PANK4: variants seen among roughly 807,000 people sequenced by gnomAD.
PANK4 encodes pantothenate kinase 4 (inactive).
In PANK4, 40 loss-of-function variants were observed where a neutral mutation model predicts 87.9. The observed-to-expected ratio is 0.46, with a 90% confidence interval of 0.35 to 0.59. The LOEUF is 0.59. Among genes scored for constraint, PANK4 ranks in the 20% least tolerant of loss-of-function variants. The probability of loss-of-function intolerance (pLI) is 0.00; values close to 1 mark genes in which losing one functional copy is unlikely to be tolerated. For missense variants in PANK4, 926 were observed against 1,072.3 expected (o/e 0.86, Z 1.90); for synonymous variants, 524 against 467.4 (o/e 1.12, Z -1.56).
rs1284690230 is a variant in PANK4, at chr1:2,509,372, G to C, written c.2109-312C>G. On this transcript the variant is annotated intron_variant, in intron 18 of 18. Transcript: ENST00000378466. This position sits in a 1 kb window ranked among gnomAD's most constrained non-coding sequence, Gnocchi z 4.9. ...TGGGGCTGGGGCACAGATGAAGCCAGCACTGGAGAATCCCACCAGGCAGAG... is the reference window on the plus strand; with the variant it reads ...TGGGGCTGGGGCACAGATGAAGCCACCACTGGAGAATCCCACCAGGCAGAG... Among the ~76,000 whole-genome samples, 1 of 152,204 alleles carries C rather than the reference G, an allele frequency of 6.6e-6. No homozygotes were observed. Among genetic ancestry groups the C allele is most frequent in the African/African-American group, 2.4e-5 (1 of 41,452 alleles).
chr1:2,520,230 G>A lies in PANK4; in HGVS notation c.699+92C>T. 9.9e-6 allele frequency: 12 copies of A among 1,210,866 alleles called. No individual in the cohort carries two copies. Among genetic ancestry groups the A allele is most frequent in the Non-Finnish European group, 1.2e-5 (10 of 821,372 alleles). 75.0% of individuals were successfully genotyped at this position (1,210,866 alleles called of 1,614,324 possible). On this transcript the variant is annotated intron_variant, in intron 5 of 18. Coordinates refer to ENST00000378466, the MANE Select transcript of PANK4 (RefSeq NM_018216.4). This position sits in a 1 kb window ranked among gnomAD's most constrained non-coding sequence, Gnocchi z 6.2. ...CGCGAGTCAGGAGGGAGGCCCGGAA[G>A]CAGCTTTTGCACCGCCCAGCTGCAG... is the stretch of plus-strand genomic sequence containing the variant.
chr1:2,513,449 C>T (rs562854059), intron 12 of PANK4, among the ~76,000 whole-genome samples: 6 of 152,358 alleles, frequency 3.9e-5, no homozygotes, highest in South Asian at 4.1e-4. Context: ...CGCTGCTGCC[C>T]GCTGCCTCCT....
rs749925439 is a variant in PANK4, at chr1:2,519,116, G to A, written c.1035+27C>T. 1.7e-5 allele frequency: 28 copies of A among 1,600,532 alleles called. No homozygotes were observed. The highest frequency in any genetic ancestry group is 1.7e-4 in the Middle Eastern group (1 of 5,998). ...AAGATCCTGGGGGGTCTGCGTTAGA[G>A]GCTGGGGAGGGCGGCGCATCCGTTA... On this transcript the variant is annotated intron_variant, in intron 7 of 18. Transcript: ENST00000378466. This position sits in a 1 kb window ranked among gnomAD's most constrained non-coding sequence, Gnocchi z 8.3.
At chr1:2,518,836 C>T (rs906654583) in intron 7 of PANK4, among the ~76,000 whole-genome samples, 18 of 152,262 alleles carry the variant, frequency 1.2e-4, no homozygotes, top group Non-Finnish European at 2.4e-4. Context: ...GCCCACAAGT[C>T]TCTGCGTCAG....
Position 2,509,258 on chromosome 1 carries a change from A to G in PANK4, c.2109-198T>C, listed in dbSNP as rs1643619453. Among the ~76,000 whole-genome samples, 1 of 152,170 alleles carries G rather than the reference A, an allele frequency of 6.6e-6. No homozygotes were observed. The highest frequency in any genetic ancestry group is 1.5e-5 in the Non-Finnish European group (1 of 68,018). On this transcript the variant is annotated intron_variant, in intron 18 of 18. Transcript: ENST00000378466. The surrounding 1 kb of genome is among the most constrained non-coding windows in gnomAD (Gnocchi z 4.9). ...GCAGCAGCTCACACAGGGCCAGAGC[A>G]GCTGCAGCTTGGAAACTCTGCCCTA...
At chr1:2,518,059 CT>C in intron 9 of PANK4, 104 bp downstream of exon 9, 1 of 648,446 alleles carries the variant, frequency 1.5e-6, no homozygotes, top group Non-Finnish European at 2.6e-6. Context: ...GCAGAGGCGC[CT>C]TTCAGCCGGG....
At position 2,508,942 on chromosome 1, in the gene PANK4, G is replaced by C. The variant is rs1188356920; in HGVS notation, c.2227C>G (p.Leu743Val). The change falls in exon 19 of 19, where the codon CTC becomes GTC. Residue 743 changes from leucine to valine, a missense_variant. Leu to Val is a conservative substitution (Grantham distance 32). Coordinates refer to ENST00000378466, the MANE Select transcript of PANK4 (RefSeq NM_018216.4). The surrounding 1 kb of genome is among the most constrained non-coding windows in gnomAD (Gnocchi z 5.1). ...NYHAALRCES[L>V]KLAVIKNAWL... ...GCGTTCTTGATGACGGCCAGCTTGA[G>C]GCTCTCGCAGCGCAGGGCTGCGTGG... 1.9e-6 allele frequency: 3 copies of C among 1,610,658 alleles called. No homozygotes were observed. The highest frequency in any genetic ancestry group is 1.7e-6 in the Non-Finnish European group (2 of 1,179,170).
In PANK4 at chr1:2,520,182, C is replaced by T. The variant is rs995136263; in HGVS notation, c.699+140G>A. 1.1e-5 allele frequency: 9 copies of T among 829,290 alleles called. No individual in the cohort carries two copies. The highest frequency in any genetic ancestry group is 1.6e-5 in the South Asian group (1 of 61,030). 51.4% of individuals were successfully genotyped at this position (829,290 alleles called of 1,614,324 possible). ...ACCCTCAGGGCGCAAAGAGTGAAGC[C>T]GCAGAGGCCAGAGACCCACTGACGC... On this transcript the variant is annotated intron_variant, in intron 5 of 18. Coordinates refer to ENST00000378466, the MANE Select transcript of PANK4 (RefSeq NM_018216.4). The surrounding 1 kb of genome is among the most constrained non-coding windows in gnomAD (Gnocchi z 6.2).
intron 9 of PANK4, among the ~76,000 whole-genome samples, chr1:2,517,811 C>T (rs1241940981): frequency 6.6e-6 from 1 of 152,244 alleles, no homozygotes; most frequent in Non-Finnish European, 1.5e-5. Context: ...GTGGCTCCTG[C>T]GGTTTCGGGT....
At position 2,509,384 on chromosome 1, in the gene PANK4, C is replaced by A. The variant is rs888829090; in HGVS notation, c.2109-324G>T. On this transcript the variant is annotated intron_variant, in intron 18 of 18. Transcript: ENST00000378466. The surrounding 1 kb of genome is among the most constrained non-coding windows in gnomAD (Gnocchi z 4.9). The stretch of plus-strand genomic sequence containing the variant: ...ACAGATGAAGCCAGCACTGGAGAAT[C>A]CCACCAGGCAGAGCAGACCAGCGGC... Among the ~76,000 whole-genome samples the A allele has an allele frequency of 6.6e-6, 1 of 152,186 alleles. No individual in the cohort carries two copies. The highest frequency in any genetic ancestry group is 2.4e-5 in the African/African-American group (1 of 41,448).
At chr1:2,521,533 G>T in intron 2 of PANK4, 185 bp downstream of exon 2, 1 of 704,420 alleles carries the variant, frequency 1.4e-6, no homozygotes, top group Non-Finnish European at 2.5e-6. Flanking sequence ...ACAGGCGGGC[G>T]CAGGTTCCTA....
In PANK4 at chr1:2,520,075, G is replaced by A; in HGVS notation, c.700-121C>T. The A allele has an allele frequency of 1.0e-6, 1 of 1,001,968 alleles. No individual in the cohort carries two copies. Among genetic ancestry groups the A allele is most frequent in the Non-Finnish European group, 1.4e-6 (1 of 695,618 alleles). 62.1% of individuals were successfully genotyped at this position (1,001,968 alleles called of 1,614,324 possible). A position where few individuals can be genotyped will look rare whatever the true frequency, so the allele number is the denominator to read the frequency against. Reference sequence around the variant, plus strand: ...CAGGGGGTAAATGGGCCCTCATCGCGTGGGACCAAAGGCAGGAGGCGGCAA... The same window carrying A: ...CAGGGGGTAAATGGGCCCTCATCGCATGGGACCAAAGGCAGGAGGCGGCAA... On this transcript the variant is annotated intron_variant, in intron 5 of 18. Coordinates refer to ENST00000378466, the MANE Select transcript of PANK4 (RefSeq NM_018216.4). The surrounding 1 kb of genome is among the most constrained non-coding windows in gnomAD (Gnocchi z 6.2).
chr1:2,509,541 C>T lies in PANK4; in HGVS notation c.2108+321G>A, dbSNP rs751471623. Among the ~76,000 whole-genome samples, 19 of 152,208 alleles carry T rather than the reference C, an allele frequency of 1.2e-4. No individual in the cohort carries two copies. Among genetic ancestry groups the T allele is most frequent in the Non-Finnish European group, 2.2e-4 (15 of 68,042 alleles). ...CAGAGCCTGGCATCTATGTGGGACA[C>T]GGAGGTGACAGACACCGGGCAGCTG... On this transcript the variant is annotated intron_variant, in intron 18 of 18. Transcript: ENST00000378466. The surrounding 1 kb of genome is among the most constrained non-coding windows in gnomAD (Gnocchi z 4.9).
At chr1:2,513,065 C>T (rs1226785418) in intron 12 of PANK4, 26 bp from the exon 13 acceptor site, 1 of 1,569,756 alleles carries the variant, frequency 6.4e-7, no homozygotes, top group African/African-American at 1.4e-5. Flanking sequence ...GATGCCAGGC[C>T]TGAGTGAAGA....
At chr1:2,518,731 T>C in intron 7 of PANK4, 134 bp from the exon 8 acceptor site, 2 of 731,676 alleles carry the variant, frequency 2.7e-6, no homozygotes, top group South Asian at 3.1e-5. Flanking sequence ...ACCCACGGCA[T>C]ACTTGCCAGT....
At chr1:2,512,633 C>T (rs1369969144) in intron 13 of PANK4, 4 of 540,038 alleles carry the variant, frequency 7.4e-6, no homozygotes, top group African/African-American at 1.9e-5. Context: ...AAATCCACAC[C>T]CTTAGGCCTC....
intron 14 of PANK4, 54 bp downstream of exon 14, chr1:2,511,574 T>C (rs1643662535): frequency 2.3e-6 from 3 of 1,304,442 alleles, no homozygotes; most frequent in Non-Finnish European, 3.3e-6. Context: ...GCAGAGAACG[T>C]CCAGGCATGG....
intron 1 of PANK4, among the ~76,000 whole-genome samples, chr1:2,523,907 G>C (rs1204114342): frequency 2.0e-5 from 3 of 152,258 alleles, no homozygotes; most frequent in South Asian, 2.1e-4. Flanking sequence ...AACAGCTGGT[G>C]GGGGAAGGGG....
At position 2,519,029 on chromosome 1, in the gene PANK4, G is replaced by A; in HGVS notation, c.1035+114C>T. 5.0e-6 allele frequency: 5 copies of A among 990,934 alleles called. No homozygotes were observed. Among genetic ancestry groups the A allele is most frequent in the Non-Finnish European group, 7.6e-6 (5 of 660,700 alleles). 61.4% of individuals were successfully genotyped at this position (990,934 alleles called of 1,614,324 possible). A position where few individuals can be genotyped will look rare whatever the true frequency, so the allele number is the denominator to read the frequency against. Reference sequence around the variant, plus strand: ...AGAAGGGAGGGGTGCTGGGCTTCTTGGCCCCCACCCTCCAGGCCTCCCTGG... The same window carrying A: ...AGAAGGGAGGGGTGCTGGGCTTCTTAGCCCCCACCCTCCAGGCCTCCCTGG... On this transcript the variant is annotated intron_variant, in intron 7 of 18. Coordinates refer to ENST00000378466, the MANE Select transcript of PANK4 (RefSeq NM_018216.4). This position sits in a 1 kb window ranked among gnomAD's most constrained non-coding sequence, Gnocchi z 8.3.
Sources: gnomAD v4.1 joint callset for allele counts (sites outside exome capture counted in the v4.1 genomes callset) on GRCh38, gnomAD v4.1.1 for gene constraint, Gnocchi (gnomAD v3.1) non-coding constraint, MANE v1.5 for transcripts, NCBI Gene and HGNC (gene_info 2026-07-23, HGNC 2026-07-21) for gene names.